The following TTC7B variants were observed in gnomAD, a reference collection of about 807,000 sequenced individuals.
TTC7B encodes tetratricopeptide repeat domain 7B, also known as tetratricopeptide repeat protein 7B.
In TTC7B, 28 loss-of-function variants were observed where a neutral mutation model predicts 106.8. The ratio of observed to expected loss-of-function variants is 0.26; its 90% CI spans 0.19 to 0.36. The LOEUF (loss-of-function observed/expected upper bound fraction) is 0.36, where lower values mean the gene tolerates loss of function less well. TTC7B is among the 10% of genes least tolerant of loss of function. TTC7B has a pLI of 1.00. For synonymous variants in TTC7B, 405 were observed against 430.6 expected, an observed-to-expected ratio of 0.94 and a Z score of 0.74; for missense variants, 862 against 1,076.4, an observed-to-expected ratio of 0.80 and a Z score of 2.79.
chr14:90,689,793 T>G, intron 6 of TTC7B, 81 bp from the exon 7 acceptor site: 6 of 1,480,494 alleles, frequency 4.1e-6, no homozygotes, highest in Non-Finnish European at 4.6e-6. Context: ...TAAATATTTA[T>G]ATCATCACAT....
At position 90,802,897 on chromosome 14, in the gene TTC7B, T is replaced by G. The variant is rs1355308070; in HGVS notation, c.121+13278A>C. Among the ~76,000 whole-genome samples the G allele has an allele frequency of 6.6e-6, 1 of 151,708 alleles. No homozygotes were observed. Among genetic ancestry groups the G allele is most frequent in the Non-Finnish European group, 1.5e-5 (1 of 67,932 alleles). On this transcript the variant is annotated intron_variant, in intron 1 of 19. Coordinates refer to ENST00000328459, the MANE Select transcript of TTC7B (RefSeq NM_001010854.2). This position sits in a 1 kb window ranked among gnomAD's most constrained non-coding sequence, Gnocchi z 4.7. ...GGCTCACGCCTGTAATCCCAGCACT[T>G]TGGGAGGCCGAAGCAGGCGGATCAC...
At chr14:90,576,830 G>A (rs1369835952) in intron 19 of TTC7B, among the ~76,000 whole-genome samples, 1 of 152,240 alleles carries the variant, frequency 6.6e-6, no homozygotes, top group Non-Finnish European at 1.5e-5. Context: ...GAAATGGCAA[G>A]ATAATGAAGG....
intron 1 of TTC7B, among the ~76,000 whole-genome samples, chr14:90,787,111 G>C (rs1473231280): frequency 2.6e-5 from 4 of 152,172 alleles, no homozygotes; most frequent in Non-Finnish European, 4.4e-5. Context: ...TGACCTGAAC[G>C]CAAGTCTGTA....
chr14:90,795,266 A>G (rs1595378720), intron 1 of TTC7B, among the ~76,000 whole-genome samples: 1 of 152,248 alleles, frequency 6.6e-6, no homozygotes, highest in African/African-American at 2.4e-5. Context: ...GCATCAGGCA[A>G]CAAAGAACAG....
chr14:90,739,542 G>A (rs1481428811), intron 4 of TTC7B, among the ~76,000 whole-genome samples: 1 of 152,204 alleles, frequency 6.6e-6, no homozygotes, highest in African/African-American at 2.4e-5. Context: ...CTCAAGGCAT[G>A]GCCAGGCTGC....
intron 5 of TTC7B, among the ~76,000 whole-genome samples, chr14:90,703,941 T>A (rs1888102209): frequency 6.6e-6 from 1 of 152,006 alleles, no homozygotes; most frequent in Non-Finnish European, 1.5e-5. Flanking sequence ...AGGGCAAAGG[T>A]TGAGGAGGCT....
At chr14:90,593,756 C>T in intron 17 of TTC7B, 130 bp from the exon 18 acceptor site, 1 of 950,546 alleles carries the variant, frequency 1.1e-6, no homozygotes, top group South Asian at 2.7e-5. Context: ...ATTTACTGTC[C>T]ACAGAGAAAC....
rs182321689 is a variant in TTC7B, at chr14:90,583,010, G to A, written c.2108-4702C>T. Among the ~76,000 whole-genome samples the A allele has an allele frequency of 2.0e-3, 300 of 152,276 alleles. 2 individuals are homozygous for A. The highest frequency in any genetic ancestry group is 5.0e-3 in the South Asian group (24 of 4,824). Reference sequence around the variant, plus strand: ...GGCTGGGCCTCTAGGACAGAACGAGGCCACAAGTATTGATTATGAACCTGC... The same window carrying A: ...GGCTGGGCCTCTAGGACAGAACGAGACCACAAGTATTGATTATGAACCTGC... On this transcript the variant is annotated intron_variant, in intron 18 of 19. Coordinates refer to ENST00000328459, the MANE Select transcript of TTC7B (RefSeq NM_001010854.2).
In TTC7B at chr14:90,537,829, C is replaced by T. The variant is rs1370096058; in HGVS notation, c.*3539G>A. On this transcript the variant is annotated 3_prime_UTR_variant, in exon 20 of 20. Transcript: ENST00000328459. Reference sequence around the variant, plus strand: ...TGCCATACTCCTCATCTGTCTGTTTCCTTCTACCAGAAGGTAGGTCCTAAG... The same window carrying T: ...TGCCATACTCCTCATCTGTCTGTTTTCTTCTACCAGAAGGTAGGTCCTAAG... 2 of 134,090 alleles carry T rather than the reference C, an allele frequency of 1.5e-5. No individual in the cohort carries two copies. Among genetic ancestry groups the T allele is most frequent in the Non-Finnish European group, 3.5e-5 (2 of 56,546 alleles). The allele number at this position is 134,090 out of a possible 1,614,324, so 8.3% of individuals were successfully genotyped here.
rs1005291259 is a variant in TTC7B at position 90,619,869 on chromosome 14, C to G, written c.1752-1824G>C. Among the ~76,000 whole-genome samples, 27 of 152,230 alleles carry G rather than the reference C, an allele frequency of 1.8e-4. 2 individuals carry two copies. The highest frequency in any genetic ancestry group is 1.5e-5 in the Non-Finnish European group (1 of 68,040). ...CCTTAAATCAGCATTTACTCACTGA[C>G]TACTTTTTCTATAAAGCAAGGCATT... On this transcript the variant is annotated intron_variant, in intron 15 of 19. Transcript: ENST00000328459.
At chr14:90,564,155 C>T (rs1263589913) in intron 19 of TTC7B, among the ~76,000 whole-genome samples, 2 of 151,942 alleles carry the variant, frequency 1.3e-5, no homozygotes, top group Non-Finnish European at 2.9e-5. Flanking sequence ...ATGTCTAAAT[C>T]GCTCCTTGAT....
At chr14:90,704,165 A>G (rs72693592) in intron 5 of TTC7B, among the ~76,000 whole-genome samples, 20,200 of 152,240 alleles carry the variant, frequency 0.13, 1,628 homozygotes, top group Middle Eastern at 0.21. Context: ...CATGCTCAAA[A>G]ACACGTGAAT....
intron 1 of TTC7B, among the ~76,000 whole-genome samples, chr14:90,809,742 A>G (rs1177065467): frequency 6.6e-6 from 1 of 152,150 alleles, no homozygotes; most frequent in Non-Finnish European, 1.5e-5. Flanking sequence ...TGTGAGCCCA[A>G]CTCCATGTCA....
intron 18 of TTC7B, among the ~76,000 whole-genome samples, chr14:90,586,836 C>T (rs1891734574): frequency 6.6e-6 from 1 of 152,198 alleles, no homozygotes. Context: ...GCCTCCCTGA[C>T]TCCAACTCAT....
intron 9 of TTC7B, among the ~76,000 whole-genome samples, chr14:90,660,714 G>C (rs1350091219): frequency 6.6e-6 from 1 of 152,168 alleles, no homozygotes; most frequent in Non-Finnish European, 1.5e-5. Context: ...AAAGTGAGGT[G>C]GTGGGAGAGG....
In TTC7B at chr14:90,689,672, A is replaced by G. The variant is rs752532597; in HGVS notation, c.818T>C (p.Met273Thr). Residue 273 changes from methionine to threonine, a missense_variant, in exon 7 of 20, where the codon ATG becomes ACG. Transcript: ENST00000328459. The part of the protein sequence containing the change: ...RQLAEILLRG[M>T]CEQSYWNPLE... ...AGGGTTCCAGTAGCTCTGCTCACAC[A>G]TACCCCGCAACAAGATCTCTGCCAG... 1.2e-6 allele frequency: 2 copies of G among 1,614,178 alleles called. No homozygotes were observed. The highest frequency in any genetic ancestry group is 1.7e-6 in the Non-Finnish European group (2 of 1,180,028).
intron 17 of TTC7B, among the ~76,000 whole-genome samples, chr14:90,598,959 C>T (rs1247089691): frequency 1.3e-5 from 2 of 152,052 alleles, no homozygotes; most frequent in Non-Finnish European, 2.9e-5. Flanking sequence ...ACCAGGCTGG[C>T]CAACATGGTG....
intron 18 of TTC7B, among the ~76,000 whole-genome samples, chr14:90,582,056 T>G (rs1891517408): frequency 6.6e-6 from 1 of 152,062 alleles, no homozygotes; most frequent in Non-Finnish European, 1.5e-5. Context: ...TACTCCCAAA[T>G]CCCTCCGTTT....
chr14:90,681,595 G>A (rs7152676), intron 7 of TTC7B, among the ~76,000 whole-genome samples: 57,408 of 152,068 alleles, frequency 0.38, 11,223 homozygotes, highest in Middle Eastern at 0.52. Flanking sequence ...CAGGAGGAAT[G>A]CAGCGCCTGG....
Sources: gnomAD v4.1 joint callset for allele counts (sites outside exome capture counted in the v4.1 genomes callset) on GRCh38, gnomAD v4.1.1 for gene constraint, Gnocchi (gnomAD v3.1) non-coding constraint, MANE v1.5 for transcripts, NCBI Gene and HGNC (gene_info 2026-07-23, HGNC 2026-07-21) for gene names.